Variants in FTCDNL1 observed in about 807,000 individuals in gnomAD.
The protein encoded by FTCDNL1 is formiminotransferase N-terminal subdomain-containing protein.
Under a neutral mutation model 5.9 loss-of-function variants are expected in FTCDNL1, and 11 were observed. That is an observed-to-expected ratio of 1.87 (90% CI 1.18 to 3.10). The LOEUF (loss-of-function observed/expected upper bound fraction) is 3.10. Ranked by LOEUF, FTCDNL1 falls within the 30% of genes most tolerant of loss-of-function variation. FTCDNL1 has a pLI of 0.00. For synonymous variants in FTCDNL1, 58 were observed against 24.8 expected (o/e 2.34, Z -3.99); for missense variants, 115 against 65.5 (o/e 1.76, Z -2.61).
the FTCDNL1 span, among the ~76,000 whole-genome samples, chr2:199,667,864 C>G: frequency 6.6e-6 from 1 of 152,050 alleles, no homozygotes; most frequent in Non-Finnish European, 1.5e-5. Flanking sequence ...TAGAAGGGAG[C>G]TATGAGAGTG....
chr2:199,672,075 G>A, the FTCDNL1 span, among the ~76,000 whole-genome samples: 29 of 152,046 alleles, frequency 1.9e-4, no homozygotes, highest in East Asian at 5.0e-3. Context: ...CATGTTTTTT[G>A]CCCTGGAAGA....
At chr2:199,848,641 AT>A in intron 2 of FTCDNL1, among the ~76,000 whole-genome samples, 3 of 152,232 alleles carry the variant, frequency 2.0e-5, no homozygotes. Context: ...GTATGCAGAC[AT>A]TTGGAAAAGA....
At chr2:199,668,717 A>G in the FTCDNL1 span, among the ~76,000 whole-genome samples, 1 of 152,192 alleles carries the variant, frequency 6.6e-6, no homozygotes, top group African/African-American at 2.4e-5. Flanking sequence ...TTAAAAATAT[A>G]TGCTTTCTGA....
intron 3 of FTCDNL1, among the ~76,000 whole-genome samples, chr2:199,768,491 C>T (rs1194995754): frequency 1.3e-5 from 2 of 152,178 alleles, no homozygotes; most frequent in South Asian, 2.1e-4. Context: ...TACAACCCCA[C>T]TTAGTTTTAA....
At chr2:199,848,313 A>G (rs551073185) in intron 2 of FTCDNL1, among the ~76,000 whole-genome samples, 4 of 152,236 alleles carry the variant, frequency 2.6e-5, no homozygotes, top group Non-Finnish European at 5.9e-5. Context: ...TAAGCGCATC[A>G]TTTAAATGCA....
chr2:199,690,564 C>T, the FTCDNL1 span, among the ~76,000 whole-genome samples: 4 of 152,256 alleles, frequency 2.6e-5, no homozygotes, highest in East Asian at 7.7e-4. Flanking sequence ...GAGAGGCTAC[C>T]CTGCCCCATT....
At position 199,827,784 on chromosome 2, in the gene FTCDNL1, C is replaced by T. The variant is rs571584083; in HGVS notation, c.212-8027G>A. ...TATAACTCAATAAATAGCTCCCTTT[C>T]CCTTTTGCAAGCCTAAGCCACTGTT... On this transcript the variant is annotated intron_variant, in intron 3 of 4. Transcript: ENST00000420128. 2.6e-5 allele frequency among the ~76,000 whole-genome samples: 4 copies of T among 152,272 alleles called. No individual in the cohort carries two copies. The South Asian group carries it at 8.3e-4, about 32-fold the overall frequency.
the FTCDNL1 span, among the ~76,000 whole-genome samples, chr2:199,701,422 T>C: frequency 6.6e-6 from 1 of 150,404 alleles, no homozygotes; most frequent in African/African-American, 2.4e-5. Flanking sequence ...TGTAAATTAG[T>C]TCAGCCACTA....
the FTCDNL1 span, among the ~76,000 whole-genome samples, chr2:199,743,855 A>C: frequency 6.6e-6 from 1 of 152,188 alleles, no homozygotes; most frequent in Non-Finnish European, 1.5e-5. Context: ...TTGCATTTTC[A>C]GTGGTTTGCA....
the FTCDNL1 span, among the ~76,000 whole-genome samples, chr2:199,684,740 TTCTCA>T: frequency 6.6e-6 from 1 of 152,210 alleles, no homozygotes; most frequent in Non-Finnish European, 1.5e-5. Context: ...GGAAGGGCCG[TTCTCA>T]TAGTATATCA....
Position 199,811,563 on chromosome 2 carries a change from C to A in FTCDNL1, c.*1142G>T, listed in dbSNP as rs1574585267. On this transcript the variant is annotated 3_prime_UTR_variant, in exon 5 of 5. Coordinates refer to ENST00000420128, the MANE Select transcript of FTCDNL1 (RefSeq NM_001363886.2). ...TTTGCTGTCCCATAGCTTTGATATG[C>A]CCAGTCACATTCAGTTATTCACATG... 6.6e-6 allele frequency among the ~76,000 whole-genome samples: 1 copy of A among 152,272 alleles called. No individual in the cohort carries two copies. Among genetic ancestry groups the A allele is most frequent in the East Asian group, 1.9e-4 (1 of 5,180 alleles).
chr2:199,714,803 C>G, the FTCDNL1 span, among the ~76,000 whole-genome samples: 1 of 151,980 alleles, frequency 6.6e-6, no homozygotes, highest in African/African-American at 2.4e-5. Flanking sequence ...GAAACACAGA[C>G]ACTGCAGTCC....
At chr2:199,748,295 A>G in the FTCDNL1 span, among the ~76,000 whole-genome samples, 1 of 152,226 alleles carries the variant, frequency 6.6e-6, no homozygotes, top group Non-Finnish European at 1.5e-5. Flanking sequence ...ATATTCATAT[A>G]GATCAGCTAG....
rs1322585017 is a variant in FTCDNL1 at position 199,809,684 on chromosome 2, T to G, written c.*3021A>C. Among the ~76,000 whole-genome samples the G allele has an allele frequency of 6.6e-6, 1 of 152,218 alleles. No homozygotes were observed. On this transcript the variant is annotated 3_prime_UTR_variant, in exon 5 of 5. Coordinates refer to ENST00000420128, the MANE Select transcript of FTCDNL1 (RefSeq NM_001363886.2). Reference sequence around the variant, plus strand: ...AAAAACAGTATGTTCTCTAAACCTTTAGACTTTCCATCTGAATTCCAAAAG... The same window carrying G: ...AAAAACAGTATGTTCTCTAAACCTTGAGACTTTCCATCTGAATTCCAAAAG...
the FTCDNL1 span, among the ~76,000 whole-genome samples, chr2:199,701,460 T>C: frequency 4.6e-5 from 7 of 151,970 alleles, no homozygotes; most frequent in Non-Finnish European, 8.8e-5. Flanking sequence ...AATCCCATTA[T>C]TGGAATTAAA....
At chr2:199,666,556 A>G in the FTCDNL1 span, among the ~76,000 whole-genome samples, 3 of 152,210 alleles carry the variant, frequency 2.0e-5, no homozygotes, top group African/African-American at 7.2e-5. Flanking sequence ...AATCCAATGC[A>G]AAACACTCAC....
chr2:199,806,261 T>A (rs1700719092), downstream of FTCDNL1, among the ~76,000 whole-genome samples: 1 of 152,154 alleles, frequency 6.6e-6, no homozygotes, highest in South Asian at 2.1e-4. Context: ...AACAATAAGC[T>A]TTCCTAACCC....
downstream of FTCDNL1, among the ~76,000 whole-genome samples, chr2:199,804,920 C>T (rs921270340): frequency 6.6e-6 from 1 of 152,222 alleles, no homozygotes; most frequent in Non-Finnish European, 1.5e-5. Context: ...GCTGTAACTG[C>T]AGGCAGCACC....
At chr2:199,790,041 TA>T (rs1366073050) in intron 3 of FTCDNL1, among the ~76,000 whole-genome samples, 2 of 152,130 alleles carry the variant, frequency 1.3e-5, no homozygotes, top group African/African-American at 4.8e-5. Context: ...TCATTTTGAT[TA>T]GAATTTTGAC....
Sources: allele counts gnomAD v4.1 joint callset (sites outside exome capture counted in the v4.1 genomes callset), GRCh38; gene constraint gnomAD v4.1.1; transcripts MANE v1.5; gene names NCBI Gene and HGNC (gene_info 2026-07-23, HGNC 2026-07-21).